The following STK39 variants were observed in gnomAD, a reference collection of about 807,000 sequenced individuals.
STK39 encodes the protein serine/threonine kinase 39, also known as STE20/SPS1-related proline-alanine-rich protein kinase.
In STK39, 20 loss-of-function variants were observed where a neutral mutation model predicts 77.8. That is an observed-to-expected ratio of 0.26 (90% CI 0.18 to 0.37). The LOEUF is 0.37. Among genes scored for constraint, STK39 ranks in the 10% least tolerant of loss-of-function variants. The pLI is 1.00. For synonymous variants in STK39, 246 were observed against 234.1 expected (o/e 1.05, Z -0.47); for missense variants, 479 against 656.5 (o/e 0.73, Z 2.95).
chr2:167,997,800 C>A (rs1683885369), intron 16 of STK39, among the ~76,000 whole-genome samples: 1 of 152,156 alleles, frequency 6.6e-6, no homozygotes, highest in South Asian at 2.1e-4. Flanking sequence ...CATAACCAAC[C>A]AATCTGAAAA....
intron 5 of STK39, among the ~76,000 whole-genome samples, chr2:168,157,349 C>A (rs756664015): frequency 1.3e-5 from 2 of 152,174 alleles, no homozygotes; most frequent in Non-Finnish European, 2.9e-5. Flanking sequence ...AGGCTGCTTT[C>A]GCTCAGTACC....
intron 16 of STK39, among the ~76,000 whole-genome samples, chr2:167,977,843 TCA>T (rs140300985): frequency 0.35 from 52,585 of 151,864 alleles, 9,707 homozygotes; most frequent in Non-Finnish European, 0.4. Flanking sequence ...AAAAGGTAAT[TCA>T]CAGAGTTGGC....
intron 8 of STK39, among the ~76,000 whole-genome samples, chr2:168,132,242 G>C (rs1687715979): frequency 1.3e-5 from 2 of 152,018 alleles, no homozygotes; most frequent in Non-Finnish European, 2.9e-5. Flanking sequence ...AAATCAGAAT[G>C]ATGAAAAAAC....
chr2:168,085,614 G>C (rs1686345687), intron 10 of STK39, among the ~76,000 whole-genome samples: 1 of 152,200 alleles, frequency 6.6e-6, no homozygotes, highest in South Asian at 2.1e-4. Flanking sequence ...AACTTTTGGA[G>C]AGTCTTAAAA....
At chr2:168,084,536 G>C (rs1339472488) in intron 10 of STK39, among the ~76,000 whole-genome samples, 1 of 152,198 alleles carries the variant, frequency 6.6e-6, no homozygotes, top group Non-Finnish European at 1.5e-5. Context: ...CTGGAAGCTA[G>C]AGGAAAGGAG....
At chr2:167,983,928 A>T (rs1047761080) in intron 16 of STK39, among the ~76,000 whole-genome samples, 3 of 152,110 alleles carry the variant, frequency 2.0e-5, no homozygotes, top group Non-Finnish European at 2.9e-5. Flanking sequence ...GATCCTTCAG[A>T]TTATACATTT....
chr2:168,200,160 T>TCTATGCATCAAAAC (rs1689577269), intron 1 of STK39, among the ~76,000 whole-genome samples: 1 of 152,172 alleles, frequency 6.6e-6, no homozygotes, highest in Non-Finnish European at 1.5e-5. Flanking sequence ...ACTTTTAAAA[T>TCTATGCATCAAAAC]CTATGCATCA....
intron 1 of STK39, among the ~76,000 whole-genome samples, chr2:168,242,615 G>A (rs1690797775): frequency 7.1e-6 from 1 of 140,420 alleles, no homozygotes; most frequent in Non-Finnish European, 1.5e-5. Flanking sequence ...CAGGCACAGT[G>A]GCTCACGCCT....
chr2:168,100,325 T>A (rs1243511715), intron 10 of STK39, among the ~76,000 whole-genome samples: 1 of 152,162 alleles, frequency 6.6e-6, no homozygotes. Flanking sequence ...GCGTGCAGAT[T>A]TAGACTGCAG....
chr2:168,086,947 A>G (rs935824471), intron 10 of STK39, among the ~76,000 whole-genome samples: 2 of 152,210 alleles, frequency 1.3e-5, no homozygotes, highest in African/African-American at 4.8e-5. Flanking sequence ...GAACAATGGC[A>G]ACAGCTAAGA....
At chr2:168,089,059 C>T (rs566500240) in intron 10 of STK39, among the ~76,000 whole-genome samples, 1 of 152,198 alleles carries the variant, frequency 6.6e-6, no homozygotes, top group Non-Finnish European at 1.5e-5. Context: ...ATTCCTCCCT[C>T]ACACCGGTGG....
chr2:168,029,684 G>T (rs4667548), intron 14 of STK39, among the ~76,000 whole-genome samples: 185 of 152,126 alleles, frequency 1.2e-3, no homozygotes, highest in Non-Finnish European at 2.2e-3. Context: ...GTGCTACAAA[G>T]GGCGATTTCA....
chr2:168,144,823 G>A (rs1688091317), intron 5 of STK39, among the ~76,000 whole-genome samples: 1 of 151,910 alleles, frequency 6.6e-6, no homozygotes, highest in Non-Finnish European at 1.5e-5. Context: ...TGTCGGGCAT[G>A]ATAGTTCATT....
At chr2:168,198,236 G>T (rs1689524411) in intron 1 of STK39, among the ~76,000 whole-genome samples, 1 of 152,034 alleles carries the variant, frequency 6.6e-6, no homozygotes, top group African/African-American at 2.4e-5. Flanking sequence ...TTGTCACTGA[G>T]AATTAGATCC....
chr2:168,043,060 A>G (rs746459988), intron 14 of STK39, among the ~76,000 whole-genome samples: 1 of 152,150 alleles, frequency 6.6e-6, no homozygotes, highest in Non-Finnish European at 1.5e-5. Context: ...GTTAAGAACT[A>G]TTATCTACCT....
chr2:168,063,596 G>T (rs1026331361), intron 13 of STK39, 26 bp from the exon 14 acceptor site: 1 of 1,565,696 alleles, frequency 6.4e-7, no homozygotes, highest in Admixed American at 1.8e-5. Context: ...AGCAAACAGT[G>T]TTATAAACTG....
At chr2:168,107,404 G>A (rs950400048) in intron 10 of STK39, among the ~76,000 whole-genome samples, 3 of 152,116 alleles carry the variant, frequency 2.0e-5, no homozygotes, top group East Asian at 1.9e-4. Flanking sequence ...CACTTGTCAC[G>A]TGCCTTCTTG....
At position 168,005,004 on chromosome 2, in the gene STK39, T is replaced by C. The variant is rs1044351949; in HGVS notation, c.1498+7630A>G. On this transcript the variant is annotated intron_variant, in intron 16 of 17. Transcript: ENST00000355999. ...TAGGGGACAGAAGGCCCTCTTTTTTTTTTTTTTTTTTTTTTTTTTGAGACA... is the reference window on the plus strand; with the variant it reads ...TAGGGGACAGAAGGCCCTCTTTTTTCTTTTTTTTTTTTTTTTTTTGAGACA... 2.2e-5 allele frequency among the ~76,000 whole-genome samples: 3 copies of C among 135,202 alleles called. No individual in the cohort carries two copies. The East Asian group carries it at 6.4e-4, about 29-fold the overall frequency. The allele number at this position is 135,202 out of a possible 152,430, so 88.7% of individuals were successfully genotyped here. A position where few individuals can be genotyped will look rare whatever the true frequency, so the allele number is the denominator to read the frequency against.
chr2:168,010,954 A>T (rs1684254738), intron 16 of STK39, among the ~76,000 whole-genome samples: 1 of 152,186 alleles, frequency 6.6e-6, no homozygotes, highest in Non-Finnish European at 1.5e-5. Flanking sequence ...ATACTCTAGC[A>T]TTATTGGGGA....
Sources: gnomAD v4.1 joint callset for allele counts (sites outside exome capture counted in the v4.1 genomes callset) on GRCh38, gnomAD v4.1.1 for gene constraint, MANE v1.5 for transcripts, NCBI Gene and HGNC (gene_info 2026-07-23, HGNC 2026-07-21) for gene names.